PODXL2: variants seen among roughly 807,000 people sequenced by gnomAD.
PODXL2 encodes podocalyxin-like protein 2.
PODXL2 carries 17 observed loss-of-function variants against 53.4 expected under a neutral mutation model. The ratio of observed to expected loss-of-function variants is 0.32; its 90% confidence interval spans 0.22 to 0.48. The LOEUF is 0.48. Ranked by LOEUF, PODXL2 falls within the 20% of genes least tolerant of loss-of-function variation. The probability of loss-of-function intolerance (pLI) is 0.99; values close to 1 mark genes in which losing one functional copy is unlikely to be tolerated. For missense variants in PODXL2, 673 were observed against 760.0 expected (o/e 0.89, Z 1.35); for synonymous variants, 311 against 306.7 (o/e 1.01, Z -0.15).
intron 2 of PODXL2, among the ~76,000 whole-genome samples, chr3:127,647,362 C>T (rs1211642025): frequency 6.6e-6 from 1 of 152,174 alleles, no homozygotes; most frequent in Middle Eastern, 3.2e-3. Flanking sequence ...CCTACTCATT[C>T]GAGACTGTCC....
chr3:127,664,534 G>T (rs985524575), intron 4 of PODXL2, among the ~76,000 whole-genome samples: 3 of 152,032 alleles, frequency 2.0e-5, no homozygotes, highest in Non-Finnish European at 4.4e-5. Flanking sequence ...GGGGTTGCTG[G>T]ATCATATGGT....
intron 6 of PODXL2, among the ~76,000 whole-genome samples, chr3:127,671,046 G>A (rs1201795057): frequency 2.0e-5 from 3 of 152,184 alleles, no homozygotes; most frequent in African/African-American, 7.2e-5. Context: ...GGATGTGTGG[G>A]GGGCTCACAT....
intron 4 of PODXL2, 65 bp downstream of exon 4, chr3:127,662,376 A>C: frequency 3.0e-6 from 4 of 1,342,080 alleles, no homozygotes; most frequent in Non-Finnish European, 4.2e-6. Flanking sequence ...GGTGGGGCAG[A>C]GGGCAGGCTG....
chr3:127,666,023 T>C (rs1039972198), intron 4 of PODXL2: 2 of 426,974 alleles, frequency 4.7e-6, no homozygotes, highest in African/African-American at 4.1e-5. Flanking sequence ...TGGATCTTTA[T>C]TTCTGTCTCT....
At chr3:127,646,046 T>C (rs948118690) in intron 2 of PODXL2, among the ~76,000 whole-genome samples, 1 of 152,202 alleles carries the variant, frequency 6.6e-6, no homozygotes, top group Non-Finnish European at 1.5e-5. Context: ...AAAACCATGC[T>C]GCAGACAGGC....
intron 2 of PODXL2, among the ~76,000 whole-genome samples, chr3:127,648,418 G>GCTGTGGAGC (rs1189951220): frequency 8.5e-5 from 13 of 152,306 alleles, no homozygotes; most frequent in African/African-American, 2.6e-4. Flanking sequence ...TGGGCCGATA[G>GCTGTGGAGC]CTGTGGAGCC....
intron 2 of PODXL2, among the ~76,000 whole-genome samples, chr3:127,650,316 A>G (rs1254983831): frequency 6.6e-6 from 1 of 152,208 alleles, no homozygotes; most frequent in Admixed American, 6.5e-5. Context: ...TATAGGAGGG[A>G]AAAATGATCT....
intron 4 of PODXL2, among the ~76,000 whole-genome samples, chr3:127,664,964 A>G (rs541004250): frequency 5.6e-4 from 85 of 152,340 alleles, no homozygotes; most frequent in Middle Eastern, 3.4e-3. Flanking sequence ...AGTTGAAGAC[A>G]TTATTTCCTT....
At chr3:127,635,347 CT>C (rs1229984400) in intron 1 of PODXL2, among the ~76,000 whole-genome samples, 1 of 152,218 alleles carries the variant, frequency 6.6e-6, no homozygotes, top group African/African-American at 2.4e-5. Flanking sequence ...GAAACTGACC[CT>C]TTTGGGGCAG....
At chr3:127,631,933 T>C (rs1006638328) in intron 1 of PODXL2, among the ~76,000 whole-genome samples, 3 of 152,210 alleles carry the variant, frequency 2.0e-5, no homozygotes, top group African/African-American at 7.2e-5. Flanking sequence ...GTTTTCAAAA[T>C]CTTTGCCAAT....
At chr3:127,658,864 T>G (rs2074743279) in intron 2 of PODXL2, among the ~76,000 whole-genome samples, 1 of 152,184 alleles carries the variant, frequency 6.6e-6, no homozygotes, top group South Asian at 2.1e-4. Context: ...ATTCTCCATT[T>G]TGTTGGTTCT....
rs2107701086 is a variant in PODXL2 at position 127,629,708 on chromosome 3, G to C, written c.70+419G>C. On this transcript the variant is annotated intron_variant, in intron 1 of 7. Transcript: ENST00000342480. This position sits in a 1 kb window ranked among gnomAD's most constrained non-coding sequence, Gnocchi z 6.4. ...GCGTGTGTGACAGCCACGCGGGGAG[G>C]AGGCCGCATTGTGAAGGTCCCAGGG... 6.6e-6 allele frequency among the ~76,000 whole-genome samples: 1 copy of C among 152,274 alleles called. No individual in the cohort carries two copies. Among genetic ancestry groups the C allele is most frequent in the East Asian group, 1.9e-4 (1 of 5,152 alleles).
At chr3:127,656,668 G>A (rs2074726255) in intron 2 of PODXL2, among the ~76,000 whole-genome samples, 1 of 145,440 alleles carries the variant, frequency 6.9e-6, no homozygotes, top group South Asian at 2.2e-4. Flanking sequence ...CTGGGAGACA[G>A]AGGTTGCAGT....
intron 2 of PODXL2, among the ~76,000 whole-genome samples, chr3:127,650,417 G>T (rs906961327): frequency 1.3e-5 from 2 of 152,206 alleles, no homozygotes; most frequent in Non-Finnish European, 2.9e-5. Flanking sequence ...TCATCAGGGT[G>T]AGCTGGAGCT....
At chr3:127,630,687 G>A (rs1175122636) in intron 1 of PODXL2, among the ~76,000 whole-genome samples, 2 of 152,198 alleles carry the variant, frequency 1.3e-5, no homozygotes, top group Admixed American at 6.5e-5. Context: ...GCTCAGTTCA[G>A]GGAGGGTACA....
At chr3:127,631,785 A>G (rs2107701885) in intron 1 of PODXL2, among the ~76,000 whole-genome samples, 1 of 152,368 alleles carries the variant, frequency 6.6e-6, no homozygotes, top group Admixed American at 6.5e-5. Flanking sequence ...ACCCATTGCC[A>G]AGGCCTTTGA....
chr3:127,652,467 C>T (rs890920092), intron 2 of PODXL2, among the ~76,000 whole-genome samples: 2 of 152,164 alleles, frequency 1.3e-5, no homozygotes, highest in East Asian at 1.9e-4. Flanking sequence ...TCCTGTGCAA[C>T]GAGGGGGTCT....
At chr3:127,668,159 C>T (rs537652577) in intron 4 of PODXL2, among the ~76,000 whole-genome samples, 4 of 152,126 alleles carry the variant, frequency 2.6e-5, no homozygotes, top group East Asian at 3.9e-4. Flanking sequence ...GCCCCCGCCC[C>T]GCTCAACTGC....
At chr3:127,652,214 A>T (rs1290129119) in intron 2 of PODXL2, among the ~76,000 whole-genome samples, 2 of 152,208 alleles carry the variant, frequency 1.3e-5, no homozygotes, top group African/African-American at 4.8e-5. Context: ...GGGCTCCCTC[A>T]TGTGGAAAAG....
Sources: allele counts gnomAD v4.1 joint callset (sites outside exome capture counted in the v4.1 genomes callset), GRCh38; gene constraint gnomAD v4.1.1; non-coding constraint Gnocchi (gnomAD v3.1); transcripts MANE v1.5; gene names NCBI Gene and HGNC (gene_info 2026-07-23, HGNC 2026-07-21).